Variants in CNGB1 observed in about 807,000 individuals in gnomAD.
CNGB1 encodes the protein cyclic nucleotide-gated channel beta-1.
In CNGB1, 126 loss-of-function variants were observed where a neutral mutation model predicts 151.7. The observed-to-expected ratio is 0.83, with a 90% CI of 0.72 to 0.96. The LOEUF is 0.96. CNGB1 is among the 40% of genes least tolerant of loss of function. The pLI, the probability that CNGB1 is intolerant of heterozygous loss-of-function variation, is 0.00. For synonymous variants in CNGB1, 623 were observed against 635.1 expected, an observed-to-expected ratio of 0.98 and a Z score of 0.29; for missense variants, 1,698 against 1,627.0, an observed-to-expected ratio of 1.04 and a Z score of -0.75.
chr16:57,965,931 CAT>C (rs1192579334), intron 2 of CNGB1, among the ~76,000 whole-genome samples: 1 of 152,204 alleles, frequency 6.6e-6, no homozygotes, highest in African/African-American at 2.4e-5. Context: ...ACACTACACA[CAT>C]ATATGTACAT....
chr16:57,888,133 C>A (rs111327336), intron 31 of CNGB1, 59 bp from the exon 32 acceptor site: 2 of 1,540,142 alleles, frequency 1.3e-6, no homozygotes, highest in Non-Finnish European at 1.8e-6. Context: ...AAGAAAGACT[C>A]GCTTCTGCAG....
At chr16:57,963,120 C>G in intron 4 of CNGB1, 56 bp from the exon 5 acceptor site, 1 of 1,305,564 alleles carries the variant, frequency 7.7e-7, no homozygotes, top group African/African-American at 1.4e-5. Flanking sequence ...CAATGAGGCC[C>G]TCGAGGCCCA....
intron 27 of CNGB1, among the ~76,000 whole-genome samples, chr16:57,902,368 G>C (rs939506929): frequency 6.6e-6 from 1 of 150,782 alleles, no homozygotes; most frequent in Non-Finnish European, 1.5e-5. Context: ...ACCGCACCCA[G>C]CCAAGCCAGG....
At chr16:57,894,613 A>G (rs1346063337) in intron 31 of CNGB1, among the ~76,000 whole-genome samples, 1 of 152,204 alleles carries the variant, frequency 6.6e-6, no homozygotes, top group Non-Finnish European at 1.5e-5. Context: ...AAAAGAAAAA[A>G]AGAAAATGTC....
intron 20 of CNGB1, 109 bp from the exon 21 acceptor site, chr16:57,917,585 C>A: frequency 1.0e-6 from 1 of 963,520 alleles, no homozygotes; most frequent in Non-Finnish European, 1.7e-6. Flanking sequence ...CTACATGTGG[C>A]ACTTTTGTAA....
rs1198242924 is a variant in CNGB1 at position 57,931,848 on chromosome 16, T to C, written c.1403A>G (p.Gln468Arg). 1.2e-6 allele frequency: 2 copies of C among 1,614,140 alleles called. No individual in the cohort carries two copies. The highest frequency in any genetic ancestry group is 2.2e-5 in the South Asian group (2 of 91,074). ...VPATKQHPEVQVEDTDADSCP... is the reference protein window; with the variant it reads ...VPATKQHPEVRVEDTDADSCP... ...GCTATCAGCATCAGTATCTTCCACC[T>C]GCACTTCTGGGTGCTGTTTCGTGGC... The change falls in exon 17 of 33, where the codon CAG (glutamine) becomes CGG (arginine). Residue 468 changes from glutamine (Q) to arginine (R), a missense_variant. Gln to Arg is a conservative substitution (Grantham distance 43). Transcript: ENST00000251102.
intron 3 of CNGB1, 75 bp downstream of exon 3, chr16:57,964,412 G>A (rs1316646923): frequency 1.5e-5 from 23 of 1,574,120 alleles, no homozygotes; most frequent in Middle Eastern, 2.0e-4. Flanking sequence ...CGCCAGCCTC[G>A]TGGGCTCTGC....
At chr16:57,940,204 A>T in intron 15 of CNGB1, 30 bp downstream of exon 15, 1 of 1,541,850 alleles carries the variant, frequency 6.5e-7, no homozygotes, top group Non-Finnish European at 8.8e-7. Context: ...GCCAGGCCTC[A>T]GAGGTGCCAG....
chr16:57,885,145 C>T (rs1220180481), intron 32 of CNGB1, among the ~76,000 whole-genome samples: 1 of 152,138 alleles, frequency 6.6e-6, no homozygotes, highest in Admixed American at 6.5e-5. Flanking sequence ...ACCTGTGGCC[C>T]CTCCCACTCT....
intron 29 of CNGB1, 150 bp from the exon 30 acceptor site, chr16:57,898,064 G>T: frequency 1.3e-6 from 1 of 779,534 alleles, no homozygotes; most frequent in South Asian, 1.4e-5. Flanking sequence ...TGTCGTGTGG[G>T]GGCAGTCACT....
In CNGB1 at chr16:57,920,523, G is replaced by A. The variant is rs1456140546; in HGVS notation, c.1665C>T (p.Ser555=). Reference sequence around the variant, plus strand: ...TGATGGCGCTATTTGTGCTGGCCGTGGAGGCCGCACGGTCCTGGCCACTGT... The same window carrying A: ...TGATGGCGCTATTTGTGCTGGCCGTAGAGGCCGCACGGTCCTGGCCACTGT... ...KDTDGQDRAA[S]TASTNSAIIN... is the part of the protein sequence containing the mutation. The change falls in exon 19 of 33, where the codon TCC becomes TCT. Residue 555 remains serine (S), a synonymous_variant. Transcript: ENST00000251102. 4 of 1,613,536 alleles carry A rather than the reference G, an allele frequency of 2.5e-6. No individual in the cohort carries two copies. The South Asian group carries it at 4.4e-5, about 18-fold the overall frequency.
At position 57,950,603 on chromosome 16, in the gene CNGB1, G is replaced by A. The variant is rs1423858571; in HGVS notation, c.875-63C>T. On this transcript the variant is annotated intron_variant, in intron 12 of 32. Coordinates refer to ENST00000251102, the MANE Select transcript of CNGB1 (RefSeq NM_001297.5). ...CGGGAGAGTGGGCTTGGGCCTCTGA[G>A]TCCCAGGGAGCCTGCAGGGAGCCCT... is the stretch of plus-strand genomic sequence containing the variant. The A allele has an allele frequency of 1.9e-6, 3 of 1,581,590 alleles. No homozygotes were observed. The African/African-American group carries it at 4.1e-5, about 22-fold the overall frequency.
intron 31 of CNGB1, among the ~76,000 whole-genome samples, chr16:57,892,461 A>AC (rs1302886690): frequency 6.6e-6 from 1 of 152,118 alleles, no homozygotes; most frequent in African/African-American, 2.4e-5. Flanking sequence ...CTTGAGAGCA[A>AC]CCAGGTAAGG....
rs538336087 is a variant in CNGB1 at position 57,926,910 on chromosome 16, G to A, written c.1536-3530C>T. Among the ~76,000 whole-genome samples the A allele has an allele frequency of 5.9e-5, 9 of 152,168 alleles. No homozygotes were observed. In the East Asian group the frequency reaches 1.2e-3, roughly 20 times the overall value. On this transcript the variant is annotated intron_variant, in intron 17 of 32. Coordinates refer to ENST00000251102, the MANE Select transcript of CNGB1 (RefSeq NM_001297.5). ...TAGGAGAATCGCTTAAATCAGGGAG[G>A]CAGAGGTTGCAGTGAGCTGAGACCA...
intron 14 of CNGB1, 67 bp from the exon 15 acceptor site, chr16:57,940,388 C>G: frequency 2.1e-6 from 3 of 1,441,402 alleles, no homozygotes; most frequent in Non-Finnish European, 1.9e-6. Flanking sequence ...TTCCCCAGCC[C>G]TGCTGAGGGC....
intron 6 of CNGB1, 74 bp from the exon 7 acceptor site, chr16:57,962,684 G>A: frequency 2.6e-6 from 4 of 1,567,998 alleles, no homozygotes; most frequent in Non-Finnish European, 3.5e-6. Flanking sequence ...AGCCTGGAGT[G>A]GGCACCGAGA....
chr16:57,925,927 A>T (rs1399703508), intron 17 of CNGB1, among the ~76,000 whole-genome samples: 1 of 152,112 alleles, frequency 6.6e-6, no homozygotes, highest in East Asian at 1.9e-4. Context: ...ACCTCAGGTG[A>T]TCTGCCTACC....
intron 10 of CNGB1, among the ~76,000 whole-genome samples, chr16:57,958,850 T>C (rs1962159938): frequency 6.6e-6 from 1 of 151,854 alleles, no homozygotes; most frequent in South Asian, 2.1e-4. Flanking sequence ...CCCAGGCTGA[T>C]GTGATCATAT....
intron 12 of CNGB1, chr16:57,955,329 C>T (rs1202274589): frequency 3.2e-6 from 5 of 1,551,860 alleles, no homozygotes; most frequent in Non-Finnish European, 4.4e-6. Context: ...TCCCAGATTC[C>T]CTTCTCCCTT....
Sources: gnomAD v4.1 joint callset for allele counts (sites outside exome capture counted in the v4.1 genomes callset) on GRCh38, gnomAD v4.1.1 for gene constraint, MANE v1.5 for transcripts, NCBI Gene and HGNC (gene_info 2026-07-23, HGNC 2026-07-21) for gene names.